Variants in ADK observed in about 807,000 individuals in gnomAD.
ADK encodes adenosine kinase.
A neutral mutation model predicts 44.7 loss-of-function variants in ADK; 24 were observed. That is an observed-to-expected ratio of 0.54 (90% CI 0.39 to 0.76). The LOEUF is 0.76. Among genes scored for constraint, ADK ranks in the 30% least tolerant of loss-of-function variants. The pLI, the probability that ADK is intolerant of heterozygous loss-of-function variation, is 0.00. For missense variants in ADK, 321 were observed against 425.1 expected (o/e 0.76, Z 2.15); for synonymous variants, 128 against 142.6 (o/e 0.90, Z 0.73).
At chr10:74,669,455 T>G (rs1855091528) in intron 9 of ADK, among the ~76,000 whole-genome samples, 1 of 152,180 alleles carries the variant, frequency 6.6e-6, no homozygotes, top group African/African-American at 2.4e-5. Context: ...AGTACTAAAT[T>G]AGGTTACTCT....
At chr10:74,336,727 A>G (rs1841421274) in intron 4 of ADK, among the ~76,000 whole-genome samples, 1 of 152,226 alleles carries the variant, frequency 6.6e-6, no homozygotes, top group Non-Finnish European at 1.5e-5. Context: ...TGGATACTCA[A>G]GTCCCTTAAA....
chr10:74,320,191 T>C (rs367573430), intron 4 of ADK, among the ~76,000 whole-genome samples: 4 of 152,326 alleles, frequency 2.6e-5, no homozygotes, highest in African/African-American at 9.6e-5. Context: ...TATCTGGGAA[T>C]GTCTTAAATA....
rs796256860 is a variant in ADK, at chr10:74,577,150, G to GTGTGTGTGTA, written c.727-12129_727-12128insGTGTGTATGT. Among the ~76,000 whole-genome samples the GTGTGTGTGTA allele has an allele frequency of 6.1e-3, 906 of 149,014 alleles. 17 individuals carry two copies. The highest frequency in any genetic ancestry group is 0.021 in the African/African-American group (831 of 39,290). On this transcript the variant is annotated intron_variant, in intron 7 of 10. Coordinates refer to ENST00000539909, the MANE Select transcript of ADK (RefSeq NM_006721.4). ...TGTGTGTGTGTGTGTGTGTGTGTGTGTGTAGTCTAACTTGTACATTTGGCC... is the reference window on the plus strand; with the variant it reads ...TGTGTGTGTGTGTGTGTGTGTGTGTGTGTGTGTGTATGTAGTCTAACTTGTACATTTGGCC...
intron 6 of ADK, among the ~76,000 whole-genome samples, chr10:74,434,570 A>G (rs1845118017): frequency 6.6e-6 from 1 of 152,212 alleles, no homozygotes; most frequent in Non-Finnish European, 1.5e-5. Flanking sequence ...AGGAAAGCAA[A>G]AACAGAAAAC....
intron 2 of ADK, among the ~76,000 whole-genome samples, chr10:74,215,961 C>A (rs1033226840): frequency 1.5e-4 from 23 of 152,228 alleles, no homozygotes; most frequent in African/African-American, 5.5e-4. Flanking sequence ...TGGCCTAAAT[C>A]ACTCTTTTTA....
chr10:74,493,116 T>C (rs903426117), intron 6 of ADK, among the ~76,000 whole-genome samples: 8 of 152,306 alleles, frequency 5.3e-5, no homozygotes, highest in African/African-American at 1.9e-4. Context: ...TGAACCTAAT[T>C]GATGTAAAAT....
At chr10:74,456,102 AC>A (rs1300199205) in intron 6 of ADK, among the ~76,000 whole-genome samples, 1 of 152,022 alleles carries the variant, frequency 6.6e-6, no homozygotes, top group Non-Finnish European at 1.5e-5. Context: ...AGACTTTAAC[AC>A]CCCACTGTTA....
At chr10:74,636,525 GA>G (rs1359443242) in intron 9 of ADK, among the ~76,000 whole-genome samples, 4 of 151,780 alleles carry the variant, frequency 2.6e-5, no homozygotes, top group African/African-American at 7.3e-5. Context: ...GCAAGCTAAT[GA>G]AAAAAAGGGA....
At position 74,356,006 on chromosome 10, in the gene ADK, T is replaced by TGG. The variant is rs1362655780; in HGVS notation, c.274-38135_274-38134insGG. 2.9e-4 allele frequency among the ~76,000 whole-genome samples: 34 copies of TGG among 115,664 alleles called. 2 individuals carry two copies. The highest frequency in any genetic ancestry group is 4.8e-4 in the East Asian group (2 of 4,206). The allele number at this position is 115,664 out of a possible 152,430, so 75.9% of individuals were successfully genotyped here. A position where few individuals can be genotyped will look rare whatever the true frequency, so the allele number is the denominator to read the frequency against. On this transcript the variant is annotated intron_variant, in intron 4 of 10. Transcript: ENST00000539909. Reference sequence around the variant, plus strand: ...AAATATTTCACTAAATAATTCATTTTTTTTTTTTTTTTTTTTTTTTTTTGA... The same window carrying TGG: ...AAATATTTCACTAAATAATTCATTTTGGTTTTTTTTTTTTTTTTTTTTTTTGA...
At chr10:74,411,082 T>C (rs1028129715) in intron 6 of ADK, among the ~76,000 whole-genome samples, 1 of 152,228 alleles carries the variant, frequency 6.6e-6, no homozygotes, top group African/African-American at 2.4e-5. Context: ...TCCTGCATTT[T>C]TGCCTCAAAT....
chr10:74,581,656 A>C (rs1222527967), intron 7 of ADK, among the ~76,000 whole-genome samples: 2 of 152,146 alleles, frequency 1.3e-5, no homozygotes, highest in Non-Finnish European at 2.9e-5. Flanking sequence ...AAGAAAAAAA[A>C]CTTAAAGTAG....
At chr10:74,603,390 A>C (rs1251342393) in intron 9 of ADK, among the ~76,000 whole-genome samples, 1 of 151,992 alleles carries the variant, frequency 6.6e-6, no homozygotes, top group African/African-American at 2.4e-5. Flanking sequence ...CATTTCTCCT[A>C]ATGCTATCCC....
At chr10:74,428,197 G>A (rs1283308971) in intron 6 of ADK, among the ~76,000 whole-genome samples, 2 of 152,040 alleles carry the variant, frequency 1.3e-5, no homozygotes, top group Non-Finnish European at 1.5e-5. Context: ...CAAAGACCCC[G>A]TTTCTAAATA....
At chr10:74,553,126 T>G (rs1304111287) in intron 7 of ADK, among the ~76,000 whole-genome samples, 3 of 149,754 alleles carry the variant, frequency 2.0e-5, no homozygotes, top group African/African-American at 7.4e-5. Context: ...AAAAGAGTTG[T>G]GCAAGAAGAT....
chr10:74,285,131 A>G (rs1299122203), intron 3 of ADK, among the ~76,000 whole-genome samples: 1 of 152,202 alleles, frequency 6.6e-6, no homozygotes, highest in African/African-American at 2.4e-5. Flanking sequence ...CTCACATAGT[A>G]ATTCATTAGG....
At chr10:74,338,841 T>C (rs1422516040) in intron 4 of ADK, among the ~76,000 whole-genome samples, 1 of 152,242 alleles carries the variant, frequency 6.6e-6, no homozygotes, top group Non-Finnish European at 1.5e-5. Flanking sequence ...AATAGTTCTG[T>C]GTCTTAATTG....
intron 10 of ADK, among the ~76,000 whole-genome samples, chr10:74,676,930 T>C (rs1439532034): frequency 6.6e-6 from 1 of 152,070 alleles, no homozygotes; most frequent in African/African-American, 2.4e-5. Context: ...CTATTTCCCA[T>C]CTAATAAAAA....
At chr10:74,675,013 A>G (rs549434003) in intron 10 of ADK, among the ~76,000 whole-genome samples, 6 of 152,264 alleles carry the variant, frequency 3.9e-5, no homozygotes, top group Admixed American at 3.3e-4. Flanking sequence ...CCCAATTAAC[A>G]TATCTTCTTT....
intron 4 of ADK, among the ~76,000 whole-genome samples, chr10:74,339,248 A>T (rs1351069732): frequency 6.6e-6 from 1 of 152,208 alleles, no homozygotes; most frequent in African/African-American, 2.4e-5. Context: ...GGGGTGAGCC[A>T]CTGCCCTGGC....
Sources: gnomAD v4.1 joint callset for allele counts (sites outside exome capture counted in the v4.1 genomes callset) on GRCh38, gnomAD v4.1.1 for gene constraint, MANE v1.5 for transcripts, NCBI Gene and HGNC (gene_info 2026-07-23, HGNC 2026-07-21) for gene names.